Variants in LAMA5 observed in about 807,000 individuals in gnomAD.
LAMA5 encodes laminin subunit alpha 5.
Under a neutral mutation model 433.4 loss-of-function variants are expected in LAMA5, and 260 were observed. The ratio of observed to expected loss-of-function variants is 0.60; its 90% CI spans 0.54 to 0.66. LAMA5 has a LOEUF of 0.66. LAMA5 is among the 30% of genes least tolerant of loss of function. LAMA5 has a pLI of 0.00. For missense variants in LAMA5, 5,378 were observed against 5,258.5 expected (o/e 1.02, Z -0.70); for synonymous variants, 2,620 against 2,226.6 (o/e 1.18, Z -4.97).
intron 79 of LAMA5, 70 bp downstream of exon 79, chr20:62,309,646 A>AGGGGGCGGG (rs1267405426): frequency 1.5e-5 from 4 of 272,324 alleles, no homozygotes; most frequent in Non-Finnish European, 1.7e-5. Flanking sequence ...GGGTGGGGGG[A>AGGGGGCGGG]GGGTGGTAGG....
intron 20 of LAMA5, 38 bp downstream of exon 20, chr20:62,334,983 G>T: frequency 6.3e-7 from 1 of 1,581,040 alleles, no homozygotes; most frequent in East Asian, 2.2e-5. Context: ...CCGAGGGGAG[G>T]CAGGGCTGTG....
At chr20:62,315,264 TGTCCCCAA>T in intron 58 of LAMA5, 57 bp from the exon 59 acceptor site, 1 of 1,453,338 alleles carries the variant, frequency 6.9e-7, no homozygotes, top group Non-Finnish European at 9.3e-7. Context: ...CCTGGCTTCA[TGTCCCCAA>T]GTCTTTCTGT....
At chr20:62,333,783 G>T in intron 23 of LAMA5, 77 bp from the exon 24 acceptor site, 1 of 1,474,302 alleles carries the variant, frequency 6.8e-7, no homozygotes, top group Admixed American at 2.2e-5. Flanking sequence ...CAGGGTTGGG[G>T]ATAGGCTGGT....
Position 62,366,995 on chromosome 20 carries a change from A to G in LAMA5, c.251T>C (p.Leu84Pro). Reference protein sequence around the residue: ...PRPTEDLYCKLVGGPVAGGDP... With the variant: ...PRPTEDLYCKPVGGPVAGGDP... ...GCCGCCGGCCACGGGGCCCCCTACC[A>G]GCTTGCAGTAAAGGTCCTCGGTGGG... Residue 84 changes from leucine (L) to proline (P), a missense_variant, in exon 1 of 80, where the codon CTG becomes CCG. Coordinates refer to ENST00000252999, the MANE Select transcript of LAMA5 (RefSeq NM_005560.6). 7.8e-7 allele frequency: 1 copy of G among 1,279,352 alleles called. No individual in the cohort carries two copies. The highest frequency in any genetic ancestry group is 9.9e-7 in the Non-Finnish European group (1 of 1,013,878). 79.3% of individuals were successfully genotyped at this position (1,279,352 alleles called of 1,614,324 possible).
Position 62,311,385 on chromosome 20 carries a change from C to T in LAMA5, c.9942+16G>A. The T allele has an allele frequency of 3.2e-6, 5 of 1,546,582 alleles. No homozygotes were observed. The highest frequency in any genetic ancestry group is 4.4e-6 in the Non-Finnish European group (5 of 1,144,416). ...CAGCCACCCCAGCTCTGCCTGCTCA[C>T]CCCTGGGGTGCCCACCTTCCGGGCG... On this transcript the variant is annotated intron_variant, in intron 72 of 79. Transcript: ENST00000252999.
chr20:62,340,311 T>TTG (rs1158684848), intron 11 of LAMA5, among the ~76,000 whole-genome samples: 10 of 139,030 alleles, frequency 7.2e-5, no homozygotes, highest in East Asian at 2.1e-4. Context: ...CTTTGTTTTT[T>TTG]TTTTTTTTTT....
intron 11 of LAMA5, 120 bp downstream of exon 11, chr20:62,345,698 G>T: frequency 1.3e-6 from 1 of 743,508 alleles, no homozygotes; most frequent in South Asian, 1.8e-5. Flanking sequence ...TGCATAAAAA[G>T]AAATAAGCCA....
rs373678596 is a variant in LAMA5 at position 62,316,647 on chromosome 20, C to T, written c.7756+24G>A. ...CTCAGATGCCCAGCAGGCCTAAGGG[C>T]CCCCATCGGAGCCCAGCACTCACCA... is the stretch of plus-strand genomic sequence containing the variant. On this transcript the variant is annotated intron_variant, in intron 57 of 79. Transcript: ENST00000252999. The T allele has an allele frequency of 1.8e-5, 28 of 1,514,290 alleles. 1 individual carries two copies. The South Asian group carries it at 3.1e-4, about 17-fold the overall frequency. 93.8% of individuals were successfully genotyped at this position (1,514,290 alleles called of 1,614,324 possible).
chr20:62,312,643 C>G lies in LAMA5; in HGVS notation c.9216G>C (p.Gln3072His), dbSNP rs1226784785. 1 of 1,606,414 alleles carries G rather than the reference C, an allele frequency of 6.2e-7. No homozygotes were observed. Among genetic ancestry groups the G allele is most frequent in the African/African-American group, 1.3e-5 (1 of 74,772 alleles). ...CGCACAGTGCTTACCTCGGGGGCAG[C>G]TGGTCGGGCGGCACGCCCCCCAGGT... ...AYYLGGVPPD[Q>H]LPPSLRRLFP... Residue 3072 changes from glutamine to histidine, a missense_variant, in exon 67 of 80, where the codon CAG becomes CAC. Transcript: ENST00000252999.
rs993942013 is a variant in LAMA5, at chr20:62,313,436, C to T, written c.8683G>A (p.Gly2895Ser). The T allele has an allele frequency of 6.2e-6, 10 of 1,609,826 alleles. No homozygotes were observed. Among genetic ancestry groups the T allele is most frequent in the African/African-American group, 1.3e-5 (1 of 74,890 alleles). ...TCCATCTCGATGCAGCCCCGGTAGC[C>T]GGGGAAGCGAAGCAGGGGAGGGGGC... ...FTPPPLLRFP[G>S]YRGCIEMDTL... The change falls in exon 64 of 80, where the codon GGC (glycine) becomes AGC (serine). Residue 2895 changes from glycine to serine, a missense_variant. Gly to Ser is a moderately conservative substitution (Grantham distance 56). Transcript: ENST00000252999.
At position 62,329,840 on chromosome 20, in the gene LAMA5, C is replaced by T. The variant is rs1446381885; in HGVS notation, c.4056G>A (p.Leu1352=). Residue 1352 remains leucine (L), a synonymous_variant, in exon 32 of 80, where the codon CTG becomes CTA. Coordinates refer to ENST00000252999, the MANE Select transcript of LAMA5 (RefSeq NM_005560.6). Reference sequence around the variant, plus strand: ...CAGTGAGCTCGCTGTGGGTCACGTCCAGCAGGGCCTGGCCCTCACACACCA... The same window carrying T: ...CAGTGAGCTCGCTGTGGGTCACGTCTAGCAGGGCCTGGCCCTCACACACCA... The part of the protein sequence containing the change: ...TLVVCEGQAL[L]DVTHSELTVT... 3.1e-6 allele frequency: 5 copies of T among 1,612,412 alleles called. No homozygotes were observed. Among genetic ancestry groups the T allele is most frequent in the Non-Finnish European group, 4.2e-6 (5 of 1,179,856 alleles).
Position 62,338,544 on chromosome 20 carries a change from G to A in LAMA5, c.1542C>T (p.Arg514=). 2 of 1,610,912 alleles carry A rather than the reference G, an allele frequency of 1.2e-6. No individual in the cohort carries two copies. The highest frequency in any genetic ancestry group is 1.7e-6 in the Non-Finnish European group (2 of 1,179,318). Residue 514 remains arginine (R), a synonymous_variant, in exon 12 of 80, where the codon CGC becomes CGT. Coordinates refer to ENST00000252999, the MANE Select transcript of LAMA5 (RefSeq NM_005560.6). ...CTTGGAAGTTGGGTTTGCACAGACA[G>A]CGTCCCACCCTTGGGTCCTTCCGGC... ...NACRKDPRVG[R]CLCKPNFQGT... is the part of the protein sequence containing the mutation.
intron 55 of LAMA5, 63 bp downstream of exon 55, chr20:62,317,282 C>A: frequency 6.9e-7 from 1 of 1,458,340 alleles, no homozygotes; most frequent in Non-Finnish European, 9.1e-7. Flanking sequence ...CCAGCTGGCC[C>A]TCCCAAGGCC....
rs147701856 is a variant in LAMA5 at position 62,333,666 on chromosome 20, C to T, written c.2919G>A (p.Thr973=). The change falls in exon 24 of 80, where the codon ACG becomes ACA. Residue 973 remains threonine, a synonymous_variant. Transcript: ENST00000252999. ...QSQPVAFPPS[T]EPAFITVPQR... ...GGGGCACGGTGATGAAGGCAGGCTCCGTGCTGGGTGGGAAGGCCACGGGCT... is the reference window on the plus strand; with the variant it reads ...GGGGCACGGTGATGAAGGCAGGCTCTGTGCTGGGTGGGAAGGCCACGGGCT... 1.1e-4 allele frequency: 178 copies of T among 1,594,940 alleles called. 1 individual carries two copies. The African/African-American group carries it at 2.0e-3, about 18-fold the overall frequency.
In LAMA5 at chr20:62,319,764, A is replaced by C. The variant is rs776411595; in HGVS notation, c.6791T>G (p.Leu2264Trp). Residue 2264 changes from leucine (L) to tryptophan (W), a missense_variant, in exon 51 of 80, where the codon TTG becomes TGG. Transcript: ENST00000252999. ...AVGTRDQASQ[L>W]LAGTEATLGH... is the part of the protein sequence containing the mutation. ...CAGTGTGGCCTCGGTGCCGGCCAGC[A>C]ATTGGCTCGCCTGGTCTCGGGTCCC... 89 of 1,548,410 alleles carry C rather than the reference A, an allele frequency of 5.7e-5. No homozygotes were observed. The highest frequency in any genetic ancestry group is 7.1e-5 in the Non-Finnish European group (81 of 1,147,074).
intron 2 of LAMA5, chr20:62,355,589 T>TG (rs1305058360): frequency 2.0e-5 from 3 of 152,194 alleles, no homozygotes; most frequent in Non-Finnish European, 2.9e-5. Flanking sequence ...CTTCCGGGGT[T>TG]GGGGCGGGGC....
intron 36 of LAMA5, 51 bp from the exon 37 acceptor site, chr20:62,327,720 C>CCCG: frequency 6.2e-7 from 1 of 1,600,156 alleles, no homozygotes; most frequent in East Asian, 2.2e-5. Context: ...GGTGCCTGAC[C>CCCG]CCGGGTTCCT....
rs41296219 is a variant in LAMA5, at chr20:62,314,904, C to G, written c.8091G>C (p.Leu2697=). 4.1e-3 allele frequency: 6,615 copies of G among 1,609,348 alleles called. 19 individuals are homozygous for G. The highest frequency in any genetic ancestry group is 5.0e-3 in the Non-Finnish European group (5,952 of 1,179,246). Residue 2697 remains leucine, a synonymous_variant, in exon 60 of 80, where the codon CTG becomes CTC. Transcript: ENST00000252999. ...EKTLPQLLAK[L]SILENRGVHN... is the part of the protein sequence containing the mutation. Reference sequence around the variant, plus strand: ...GCACCCCACGGTTCTCCAGGATGCTCAGCTTGGCCAGCAGCTGGGGCAGCG... The same window carrying G: ...GCACCCCACGGTTCTCCAGGATGCTGAGCTTGGCCAGCAGCTGGGGCAGCG...
chr20:62,320,502 C>A, intron 50 of LAMA5, 57 bp downstream of exon 50: 1 of 1,343,142 alleles, frequency 7.4e-7, no homozygotes. Flanking sequence ...GACAAGCGAA[C>A]CGCGGGGAAC....
Sources: allele counts gnomAD v4.1 joint callset (sites outside exome capture counted in the v4.1 genomes callset), GRCh38; gene constraint gnomAD v4.1.1; transcripts MANE v1.5; gene names NCBI Gene and HGNC (gene_info 2026-07-23, HGNC 2026-07-21).